RNF111: variants seen among roughly 807,000 people sequenced by gnomAD.
RNF111 encodes the protein E3 ubiquitin-protein ligase Arkadia.
RNF111 carries 17 observed loss-of-function variants against 95.1 expected under a neutral mutation model. The observed-to-expected ratio is 0.18, with a 90% CI of 0.12 to 0.27. The LOEUF (loss-of-function observed/expected upper bound fraction) is 0.27, where lower values mean the gene tolerates loss of function less well. Ranked by LOEUF, RNF111 falls within the 10% of genes least tolerant of loss-of-function variation. The pLI is 1.00. For missense variants in RNF111, 1,189 were observed against 1,210.4 expected (o/e 0.98, Z 0.26); for synonymous variants, 440 against 414.8 (o/e 1.06, Z -0.74).
At position 59,066,882 on chromosome 15, in the gene RNF111, T is replaced by C. The variant is rs1489665749; in HGVS notation, c.1485T>C (p.His495=). 1.9e-6 allele frequency: 3 copies of C among 1,613,988 alleles called. No individual in the cohort carries two copies. Among genetic ancestry groups the C allele is most frequent in the Non-Finnish European group, 1.7e-6 (2 of 1,180,032 alleles). ...SPCGGSSQNH[H]ALGHPHTSCF... ...GTGGAGGGTCGTCACAGAACCACCA[T>C]GCATTAGGACATCCTCATACAAGTT... The change falls in exon 6 of 14, where the codon CAT becomes CAC. Residue 495 remains histidine, a synonymous_variant. Coordinates refer to ENST00000348370, the MANE Select transcript of RNF111 (RefSeq NM_017610.8).
intron 2 of RNF111, among the ~76,000 whole-genome samples, chr15:59,040,631 T>C (rs866680994): frequency 4.6e-5 from 7 of 152,246 alleles, no homozygotes; most frequent in African/African-American, 1.7e-4. Context: ...TGCCTTGTCG[T>C]ATATATGCCA....
chr15:59,055,588 A>C lies in RNF111; in HGVS notation c.1008-94A>C, dbSNP rs1271839379. On this transcript the variant is annotated intron_variant, in intron 3 of 13. Transcript: ENST00000348370. ...TTTCTTTGGAGAAATCTTGTATGAAAAACTTAACATTTAGTAAGAAAGGCT... is the reference window on the plus strand; with the variant it reads ...TTTCTTTGGAGAAATCTTGTATGAACAACTTAACATTTAGTAAGAAAGGCT... The C allele has an allele frequency of 3.1e-6, 3 of 982,732 alleles. No homozygotes were observed. The African/African-American group carries it at 5.0e-5, about 16-fold the overall frequency. The allele number at this position is 982,732 out of a possible 1,614,324, so 60.9% of individuals were successfully genotyped here. A position where few individuals can be genotyped will look rare whatever the true frequency, so the allele number is the denominator to read the frequency against.
Position 59,052,305 on chromosome 15 carries a change from G to T in RNF111, c.881G>T (p.Gly294Val). 1 of 1,559,852 alleles carries T rather than the reference G, an allele frequency of 6.4e-7. No individual in the cohort carries two copies. The highest frequency in any genetic ancestry group is 8.6e-7 in the Non-Finnish European group (1 of 1,157,976). Residue 294 changes from glycine to valine, a missense_variant and splice_region_variant, in exon 3 of 14, where the codon GGA (glycine) becomes GTA (valine). This residue lies in a region of RNF111 where 1,024 missense variants were observed against 925.9 expected (regional missense o/e 1.11). Transcript: ENST00000348370. Reference sequence around the variant, plus strand: ...AAATGTTTTTTCTTTTTGTTTCCAGGAAGTATTGATGAAGATGTTGTGGTG... The same window carrying T: ...AAATGTTTTTTCTTTTTGTTTCCAGTAAGTATTGATGAAGATGTTGTGGTG... ...NHQNNPAVPS[G>V]SIDEDVVVIE...
chr15:59,086,924 G>A (rs2084389411), intron 10 of RNF111, among the ~76,000 whole-genome samples: 1 of 152,230 alleles, frequency 6.6e-6, no homozygotes. Flanking sequence ...AGATGTAAAT[G>A]TGGGAAACCA....
intron 2 of RNF111, among the ~76,000 whole-genome samples, chr15:59,043,096 C>A (rs549197079): frequency 6.6e-6 from 1 of 151,580 alleles, no homozygotes; most frequent in Non-Finnish European, 1.5e-5. Flanking sequence ...GTATAATTAA[C>A]TACTATAAAA....
At chr15:59,006,910 C>T (rs1241315079) in intron 1 of RNF111, among the ~76,000 whole-genome samples, 7 of 152,136 alleles carry the variant, frequency 4.6e-5, no homozygotes, top group Non-Finnish European at 8.8e-5. Context: ...CTCAGCCCCC[C>T]GAGTAGCTGG....
At chr15:59,024,427 C>T (rs994139091) in intron 1 of RNF111, among the ~76,000 whole-genome samples, 11 of 150,814 alleles carry the variant, frequency 7.3e-5, no homozygotes, top group East Asian at 3.9e-4. Context: ...TCTACTGAGA[C>T]GCTTTGTGTA....
At position 59,030,849 on chromosome 15, in the gene RNF111, C is replaced by T. The variant is rs2899642; in HGVS notation, c.27C>T (p.Asn9=). 1.2e-5 allele frequency: 19 copies of T among 1,603,232 alleles called. No individual in the cohort carries two copies. The African/African-American group carries it at 1.2e-4, about 10-fold the overall frequency. The change falls in exon 2 of 14, where the codon AAC becomes AAT. Residue 9 remains asparagine, a synonymous_variant. Coordinates refer to ENST00000348370, the MANE Select transcript of RNF111 (RefSeq NM_017610.8). MSQWTPEY[N]ELYTLKVDMK... is the part of the protein sequence containing the mutation. ...TGTCTCAATGGACTCCTGAATATAA[C>T]GAGCTCTACACCTTAAAAGTGGATA...
intron 1 of RNF111, among the ~76,000 whole-genome samples, chr15:59,005,762 C>G (rs947871411): frequency 6.6e-6 from 1 of 152,100 alleles, no homozygotes; most frequent in Non-Finnish European, 1.5e-5. Context: ...TTTGCCTGGA[C>G]GATTTCTAAA....
chr15:59,052,143 G>T (rs1296544476), intron 2 of RNF111, among the ~76,000 whole-genome samples, 162 bp from the exon 3 acceptor site: 1 of 152,144 alleles, frequency 6.6e-6, no homozygotes, highest in Non-Finnish European at 1.5e-5. Flanking sequence ...TTTACTGTGT[G>T]TGTTTTTTGT....
chr15:59,023,319 G>A (rs1207285740), intron 1 of RNF111, among the ~76,000 whole-genome samples: 1 of 152,008 alleles, frequency 6.6e-6, no homozygotes, highest in Non-Finnish European at 1.5e-5. Context: ...CTATTATTTT[G>A]GCATGAAATT....
chr15:58,991,221 C>T (rs536668172), intron 1 of RNF111, among the ~76,000 whole-genome samples: 7 of 151,868 alleles, frequency 4.6e-5, no homozygotes, highest in East Asian at 1.9e-4. Flanking sequence ...TGCTTGAACC[C>T]GGGAGGTGGA....
intron 2 of RNF111, among the ~76,000 whole-genome samples, chr15:59,037,220 G>A (rs1383159733): frequency 2.0e-5 from 3 of 152,084 alleles, no homozygotes; most frequent in African/African-American, 7.2e-5. Context: ...CTTTATTAGG[G>A]ATTTCTATTA....
At chr15:59,050,608 G>T (rs113318416) in intron 2 of RNF111, among the ~76,000 whole-genome samples, 6 of 152,238 alleles carry the variant, frequency 3.9e-5, no homozygotes, top group African/African-American at 1.4e-4. Flanking sequence ...CATTATTGAG[G>T]TATGATTAGT....
At chr15:59,091,214 A>T (rs551405652) in intron 12 of RNF111, 60 bp downstream of exon 12, 1 of 917,534 alleles carries the variant, frequency 1.1e-6, no homozygotes, top group Admixed American at 2.1e-5. Context: ...TGTAATATAT[A>T]CCTTTTTTGA....
intron 6 of RNF111, among the ~76,000 whole-genome samples, chr15:59,072,509 A>C (rs2042980511): frequency 7.7e-6 from 1 of 130,438 alleles, no homozygotes; most frequent in South Asian, 2.3e-4. Flanking sequence ...GCTGGAGTGC[A>C]GTGGCGTGAT....
rs150287673 is a variant in RNF111 at position 59,081,977 on chromosome 15, G to A, written c.2297+693G>A. On this transcript the variant is annotated intron_variant, in intron 8 of 13. Coordinates refer to ENST00000348370, the MANE Select transcript of RNF111 (RefSeq NM_017610.8). ...GGGGTCAAGGCTGGAGTGCAGTGGT[G>A]CAACCATAGTTCTTTTATCCTTGAA... is the stretch of plus-strand genomic sequence containing the variant. Among the ~76,000 whole-genome samples, 18 of 152,266 alleles carry A rather than the reference G, an allele frequency of 1.2e-4. No homozygotes were observed. The East Asian group carries it at 2.7e-3, about 23-fold the overall frequency.
At chr15:59,047,667 C>A (rs1290586502) in intron 2 of RNF111, among the ~76,000 whole-genome samples, 1 of 152,030 alleles carries the variant, frequency 6.6e-6, no homozygotes, top group Non-Finnish European at 1.5e-5. Flanking sequence ...CGTGCGTCTC[C>A]CAGGCTCAAG....
intron 1 of RNF111, among the ~76,000 whole-genome samples, chr15:59,019,445 C>G (rs1257893771): frequency 6.6e-6 from 1 of 152,006 alleles, no homozygotes; most frequent in African/African-American, 2.4e-5. Flanking sequence ...TGTGACGGAG[C>G]CAATTTGGAG....
Sources: gnomAD v4.1 joint callset for allele counts (sites outside exome capture counted in the v4.1 genomes callset) on GRCh38, gnomAD v4.1.1 for gene constraint, gnomAD v4.1.1 regional missense constraint, MANE v1.5 for transcripts, NCBI Gene and HGNC (gene_info 2026-07-23, HGNC 2026-07-21) for gene names.